The following NALCN variants were observed in gnomAD, a reference collection of about 807,000 sequenced individuals.
The protein encoded by NALCN is sodium leak channel NALCN.
A neutral mutation model predicts 225.3 loss-of-function variants in NALCN; 111 were observed. The observed-to-expected ratio is 0.49, with a 90% CI of 0.42 to 0.58. NALCN has a LOEUF of 0.58. Among genes scored for constraint, NALCN ranks in the 20% least tolerant of loss-of-function variants. NALCN has a pLI of 0.00. For missense variants in NALCN, 1,378 were observed against 2,202.4 expected (o/e 0.63, Z 7.49); for synonymous variants, 764 against 769.0 (o/e 0.99, Z 0.11).
At chr13:101,082,668 G>A (rs1394293886) in intron 33 of NALCN, 141 bp downstream of exon 33, 12 of 809,962 alleles carry the variant, frequency 1.5e-5, no homozygotes, top group South Asian at 3.2e-5. Context: ...AAGCAGAACC[G>A]CTTAAGTAGG....
Position 101,103,211 on chromosome 13 carries a change from A to G in NALCN, c.3018T>C (p.Val1006=). The change falls in exon 26 of 44, where the codon GTT becomes GTC. Residue 1006 remains valine, a synonymous_variant. Coordinates refer to ENST00000251127, the MANE Select transcript of NALCN (RefSeq NM_052867.4). ...IFKLVPQMRK[V]VRELFSGFKE... ...TGAAGCCGCTGAAAAGTTCTCGAAC[A>G]ACTTTCCTCATCTGGGGCACCAGTT... 1 of 1,613,830 alleles carries G rather than the reference A, an allele frequency of 6.2e-7. No individual in the cohort carries two copies. The highest frequency in any genetic ancestry group is 8.5e-7 in the Non-Finnish European group (1 of 1,179,890).
At chr13:101,117,339 C>T (rs1371642463) in intron 18 of NALCN, among the ~76,000 whole-genome samples, 1 of 152,124 alleles carries the variant, frequency 6.6e-6, no homozygotes, top group Non-Finnish European at 1.5e-5. Context: ...TGTCTGCAAC[C>T]CCGCATCATT....
Position 101,403,059 on chromosome 13 carries a change from TA to T in NALCN, c.-39-3895del, listed in dbSNP as rs138138506. Among the ~76,000 whole-genome samples the T allele has an allele frequency of 1.1e-3, 164 of 151,656 alleles. 4 individuals are homozygous for T. The highest frequency in any genetic ancestry group is 0.011 in the Admixed American group (161 of 15,222). ...CTTTCAAAATGTTCCCTCTTTTATA[TA>T]AAAAAAAATCAGCTTCCAAACACAC... is the stretch of plus-strand genomic sequence containing the variant. On this transcript the variant is annotated intron_variant, in intron 1 of 43. Transcript: ENST00000251127.
At chr13:101,387,241 A>T (rs1178771402) in intron 3 of NALCN, among the ~76,000 whole-genome samples, 2 of 149,510 alleles carry the variant, frequency 1.3e-5, no homozygotes, top group Non-Finnish European at 3.0e-5. Context: ...AAAAAAAAAA[A>T]AAAAAAAAAA....
intron 3 of NALCN, among the ~76,000 whole-genome samples, chr13:101,389,544 C>A (rs1205894572): frequency 6.6e-6 from 1 of 152,068 alleles, no homozygotes; most frequent in Admixed American, 6.5e-5. Flanking sequence ...AAGAAATATT[C>A]GATAATTGGG....
At chr13:101,318,162 C>A (rs1042460033) in intron 7 of NALCN, among the ~76,000 whole-genome samples, 2 of 152,198 alleles carry the variant, frequency 1.3e-5, no homozygotes, top group African/African-American at 4.8e-5. Context: ...GTTTTTCTCA[C>A]CCGCTGGGCT....
At chr13:101,064,655 T>C (rs551567691) in intron 40 of NALCN, among the ~76,000 whole-genome samples, 19 of 151,794 alleles carry the variant, frequency 1.3e-4, no homozygotes, top group African/African-American at 4.1e-4. Flanking sequence ...ATGACCAACA[T>C]TGGCAGCGCA....
At chr13:101,097,433 C>T (rs1390718263) in intron 27 of NALCN, among the ~76,000 whole-genome samples, 1 of 152,134 alleles carries the variant, frequency 6.6e-6, no homozygotes, top group Non-Finnish European at 1.5e-5. Flanking sequence ...GGTCCCTTGA[C>T]ATATTTGGCC....
intron 13 of NALCN, among the ~76,000 whole-genome samples, chr13:101,220,056 A>C (rs890733169): frequency 6.6e-6 from 1 of 152,196 alleles, no homozygotes; most frequent in Non-Finnish European, 1.5e-5. Flanking sequence ...CAAGCCTCCC[A>C]TGTGCTTCCA....
chr13:101,268,794 C>G (rs1385314211), intron 10 of NALCN, among the ~76,000 whole-genome samples: 1 of 152,154 alleles, frequency 6.6e-6, no homozygotes, highest in Non-Finnish European at 1.5e-5. Context: ...GGGAAATTTT[C>G]TTTATGAAAG....
chr13:101,324,135 C>T (rs1401526533), intron 7 of NALCN, among the ~76,000 whole-genome samples: 3 of 152,120 alleles, frequency 2.0e-5, no homozygotes, highest in East Asian at 3.8e-4. Context: ...GTTAGAATGG[C>T]TTGTATACTT....
rs535803626 is a variant in NALCN, at chr13:101,344,899, G to T, written c.799+367C>A. Reference sequence around the variant, plus strand: ...TTTAAGACTTACCTTGCCTATTAGGGTATAGTTACATAGTTACATATGAAA... The same window carrying T: ...TTTAAGACTTACCTTGCCTATTAGGTTATAGTTACATAGTTACATATGAAA... On this transcript the variant is annotated intron_variant, in intron 7 of 43. Transcript: ENST00000251127. 7.2e-5 allele frequency among the ~76,000 whole-genome samples: 11 copies of T among 152,254 alleles called. No homozygotes were observed. In the South Asian group the frequency reaches 2.3e-3, roughly 32 times the overall value.
intron 7 of NALCN, among the ~76,000 whole-genome samples, chr13:101,322,063 T>C (rs1315088537): frequency 7.2e-5 from 11 of 152,198 alleles, no homozygotes; most frequent in African/African-American, 2.4e-5. Context: ...GATTAATTCA[T>C]TGGGAAAACT....
intron 18 of NALCN, among the ~76,000 whole-genome samples, chr13:101,117,592 A>G (rs1184429209): frequency 6.6e-6 from 1 of 152,242 alleles, no homozygotes; most frequent in African/African-American, 2.4e-5. Flanking sequence ...CTTTCCCAGA[A>G]TGCCATATAG....
At chr13:101,378,519 A>G in intron 4 of NALCN, 51 bp downstream of exon 4, 2 of 1,418,118 alleles carry the variant, frequency 1.4e-6, no homozygotes, top group Non-Finnish European at 1.9e-6. Flanking sequence ...AATGCAAAAT[A>G]ATTCCCATTT....
chr13:101,114,557 G>A (rs1001697072), intron 18 of NALCN, among the ~76,000 whole-genome samples: 25 of 151,952 alleles, frequency 1.6e-4, no homozygotes, highest in Middle Eastern at 3.2e-3. Flanking sequence ...CCAGCAAACC[G>A]GATGGAACTG....
At chr13:101,275,801 T>C (rs1222140230) in intron 10 of NALCN, among the ~76,000 whole-genome samples, 1 of 152,086 alleles carries the variant, frequency 6.6e-6, no homozygotes, top group Non-Finnish European at 1.5e-5. Context: ...ACGAGTCATC[T>C]TGTCCCCACA....
intron 17 of NALCN, among the ~76,000 whole-genome samples, chr13:101,136,212 G>T (rs1416815163): frequency 6.6e-6 from 1 of 152,224 alleles, no homozygotes; most frequent in East Asian, 1.9e-4. Context: ...CACACACACA[G>T]ATATTTGGTT....
intron 6 of NALCN, among the ~76,000 whole-genome samples, chr13:101,347,817 A>G (rs1302065346): frequency 1.3e-5 from 2 of 152,214 alleles, no homozygotes; most frequent in Admixed American, 6.5e-5. Flanking sequence ...CAAGTAATGC[A>G]CTTTGCATAG....
Sources: gnomAD v4.1 joint callset for allele counts (sites outside exome capture counted in the v4.1 genomes callset) on GRCh38, gnomAD v4.1.1 for gene constraint, MANE v1.5 for transcripts, NCBI Gene and HGNC (gene_info 2026-07-23, HGNC 2026-07-21) for gene names.